The following TMEM40 variants were observed in gnomAD, a reference collection of about 807,000 sequenced individuals.
TMEM40 encodes transmembrane protein 40.
A neutral mutation model predicts 40.8 loss-of-function variants in TMEM40; 34 were observed. The observed-to-expected ratio is 0.83, with a 90% confidence interval of 0.63 to 1.11. The LOEUF is 1.11. Ranked by LOEUF, TMEM40 falls within the 50% of genes least tolerant of loss-of-function variation. TMEM40 has a pLI of 0.00. For synonymous variants in TMEM40, 106 were observed against 107.0 expected (o/e 0.99, Z 0.06); for missense variants, 296 against 280.2 (o/e 1.06, Z -0.40).
intron 1 of TMEM40, among the ~76,000 whole-genome samples, chr3:12,767,679 G>A (rs905055143): frequency 6.6e-6 from 1 of 152,180 alleles, no homozygotes; most frequent in African/African-American, 2.4e-5. Flanking sequence ...GCTCTGAGCA[G>A]GGGCCCCAGA....
chr3:12,735,248 A>G (rs937245210), intron 11 of TMEM40, among the ~76,000 whole-genome samples: 7 of 152,230 alleles, frequency 4.6e-5, no homozygotes, highest in Admixed American at 3.9e-4. Context: ...GTAAAGTTCT[A>G]TAAGAGAATG....
intron 1 of TMEM40, among the ~76,000 whole-genome samples, chr3:12,752,355 T>C (rs2061484348): frequency 6.6e-6 from 1 of 151,906 alleles, no homozygotes; most frequent in South Asian, 2.1e-4. Context: ...AAAGGAAAAA[T>C]GATGATAACA....
chr3:12,758,848 T>C (rs1453399763), intron 1 of TMEM40, among the ~76,000 whole-genome samples: 1 of 152,218 alleles, frequency 6.6e-6, no homozygotes, highest in African/African-American at 2.4e-5. Context: ...GAGATCTAGC[T>C]GGACCCTTCA....
rs953462561 is a variant in TMEM40, at chr3:12,736,785, C to G, written c.523G>C (p.Val175Leu). 2.5e-6 allele frequency: 4 copies of G among 1,614,018 alleles called. No homozygotes were observed. In the African/African-American group the frequency reaches 4.0e-5, roughly 16 times the overall value. Residue 175 changes from valine to leucine, a missense_variant, in exon 9 of 12, where the codon GTG becomes CTG. Val to Leu is a conservative substitution (Grantham distance 32). Transcript: ENST00000314124. ...LLCFAIGALLVCYHYYADWFM... is the reference protein window; with the variant it reads ...LLCFAIGALLLCYHYYADWFM... ...TCACCTGCGTAATAGTGATAACACACCAGCAAGGCCCCGATGGCAAAGCAC... is the reference window on the plus strand; with the variant it reads ...TCACCTGCGTAATAGTGATAACACAGCAGCAAGGCCCCGATGGCAAAGCAC...
intron 1 of TMEM40, among the ~76,000 whole-genome samples, chr3:12,765,531 G>A (rs1443297721): frequency 1.2e-4 from 18 of 151,008 alleles, no homozygotes; most frequent in Admixed American, 1.1e-3. Flanking sequence ...CTAAATGGTT[G>A]CTTTGGGTTC....
intron 1 of TMEM40, among the ~76,000 whole-genome samples, chr3:12,754,338 A>C (rs1257324677): frequency 6.6e-6 from 1 of 152,100 alleles, no homozygotes; most frequent in African/African-American, 2.4e-5. Flanking sequence ...CAACAACAAA[A>C]CAAAATAATG....
At chr3:12,752,624 C>G (rs986949541) in intron 1 of TMEM40, among the ~76,000 whole-genome samples, 1 of 151,962 alleles carries the variant, frequency 6.6e-6, no homozygotes, top group Non-Finnish European at 1.5e-5. Flanking sequence ...TGGTGAAACA[C>G]AGTCTCTACT....
chr3:12,745,226 ATT>A (rs144839288), intron 3 of TMEM40, among the ~76,000 whole-genome samples: 239 of 127,078 alleles, frequency 1.9e-3, no homozygotes, highest in African/African-American at 2.9e-3. Flanking sequence ...CACCTGGCTA[ATT>A]TTTTTTTTTT....
intron 1 of TMEM40, among the ~76,000 whole-genome samples, chr3:12,767,471 G>A (rs1045441435): frequency 1.3e-5 from 2 of 152,112 alleles, no homozygotes; most frequent in African/African-American, 2.4e-5. Context: ...CCTTCTCTAC[G>A]GTCAAGTATG....
rs2061401375 is a variant in TMEM40, at chr3:12,743,790, A to G, written c.301+110T>C. The G allele has an allele frequency of 1.8e-5, 19 of 1,056,308 alleles. 1 individual carries two copies. Among genetic ancestry groups the G allele is most frequent in the Non-Finnish European group, 2.6e-5 (19 of 724,292 alleles). 65.4% of individuals were successfully genotyped at this position (1,056,308 alleles called of 1,614,324 possible). A position where few individuals can be genotyped will look rare whatever the true frequency, so the allele number is the denominator to read the frequency against. ...TTCTGCTGCTGTCAGGCTATTTCCTATTTTATCCTGCCATAAACAATGCTG... is the reference window on the plus strand; with the variant it reads ...TTCTGCTGCTGTCAGGCTATTTCCTGTTTTATCCTGCCATAAACAATGCTG... On this transcript the variant is annotated intron_variant, in intron 4 of 11. Coordinates refer to ENST00000314124, the MANE Select transcript of TMEM40 (RefSeq NM_018306.4).
intron 3 of TMEM40, among the ~76,000 whole-genome samples, chr3:12,748,368 A>G (rs2061445506): frequency 6.6e-6 from 1 of 152,234 alleles, no homozygotes. Context: ...CAGCCACTTG[A>G]GGGGCTGTTC....
upstream of TMEM40, among the ~76,000 whole-genome samples, chr3:12,762,440 G>T (rs548311486): frequency 4.9e-4 from 74 of 152,252 alleles, no homozygotes; most frequent in African/African-American, 1.7e-3. Flanking sequence ...GGGTGAGGGG[G>T]ACCCCGGGTC....
chr3:12,736,473 A>G, intron 10 of TMEM40, 105 bp downstream of exon 10: 3 of 1,410,956 alleles, frequency 2.1e-6, no homozygotes, highest in Non-Finnish European at 1.9e-6. Context: ...AAAAGTGTAG[A>G]TTGTGACTCT....
At chr3:12,768,918 C>CGGGGT (rs2061607802) in intron 1 of TMEM40, among the ~76,000 whole-genome samples, 1 of 12,688 alleles carries the variant, frequency 7.9e-5, no homozygotes, top group Non-Finnish European at 1.4e-4. Context: ...GGGCCGGGGC[C>CGGGGT]GGGGCCGGGG....
intron 2 of TMEM40, among the ~76,000 whole-genome samples, chr3:12,749,396 A>T (rs1375744888): frequency 6.6e-6 from 1 of 152,160 alleles, no homozygotes; most frequent in Non-Finnish European, 1.5e-5. Context: ...CTAATTTAGG[A>T]TCCTCTGTAC....
At position 12,755,142 on chromosome 3, in the gene TMEM40, TTC is replaced by T. The variant is rs757669941; in HGVS notation, c.-9+4047_-9+4048del. Among the ~76,000 whole-genome samples, 11 of 150,378 alleles carry T rather than the reference TTC, an allele frequency of 7.3e-5. No homozygotes were observed. The East Asian group carries it at 1.8e-3, about 24-fold the overall frequency. ...TTTTCTATTCTTTTCTTTTCTTTCC[TTC>T]TCTTTCTTTCTTTCTCTTTCTTTCT... On this transcript the variant is annotated intron_variant, in intron 1 of 11. Transcript: ENST00000314124.
chr3:12,735,458 C>G, intron 11 of TMEM40, 97 bp downstream of exon 11: 1 of 1,294,426 alleles, frequency 7.7e-7, no homozygotes, highest in Non-Finnish European at 1.1e-6. Flanking sequence ...GGTCCTCTGC[C>G]TCCAGGCTGT....
In TMEM40 at chr3:12,735,600, C is replaced by A. The variant is rs781731021; in HGVS notation, c.637G>T (p.Val213Phe). ...YFGLVYRIHS[V>F]LQGFIPLFQK... is the part of the protein sequence containing the mutation. ...AAGAGGGGGATGAAGCCTTGGAGGA[C>A]GCTGTGGATACGGTACACTGCTCAG... is the stretch of plus-strand genomic sequence containing the variant. The change falls in exon 11 of 12, where the codon GTC becomes TTC. Residue 213 changes from valine to phenylalanine, a missense_variant. Physicochemically the swap from Val to Phe is conservative, Grantham distance 50. Transcript: ENST00000314124. 6.2e-7 allele frequency: 1 copy of A among 1,613,378 alleles called. No individual in the cohort carries two copies. The highest frequency in any genetic ancestry group is 1.1e-5 in the South Asian group (1 of 91,010).
At chr3:12,769,222 G>A (rs1038702006) in intron 1 of TMEM40, 9 of 392,568 alleles carry the variant, frequency 2.3e-5, no homozygotes, top group East Asian at 1.8e-4. Context: ...GTGCAGCCCC[G>A]GTTCCCGCCC....
Sources: gnomAD v4.1 joint callset for allele counts (sites outside exome capture counted in the v4.1 genomes callset) on GRCh38, gnomAD v4.1.1 for gene constraint, MANE v1.5 for transcripts, NCBI Gene and HGNC (gene_info 2026-07-23, HGNC 2026-07-21) for gene names.